The following PHACTR1 variants were observed in gnomAD, a reference collection of about 807,000 sequenced individuals.
PHACTR1 encodes phosphatase and actin regulator 1.
PHACTR1 carries 16 observed loss-of-function variants against 69.2 expected under a neutral mutation model. The observed-to-expected ratio is 0.23, with a 90% CI of 0.16 to 0.35. The LOEUF is 0.35. Ranked by LOEUF, PHACTR1 falls within the 10% of genes least tolerant of loss-of-function variation. The pLI, the probability that PHACTR1 is intolerant of heterozygous loss-of-function variation, is 1.00. For synonymous variants in PHACTR1, 312 were observed against 284.5 expected (o/e 1.10, Z -0.97); for missense variants, 510 against 734.7 (o/e 0.69, Z 3.54).
At chr6:12,939,838 C>A (rs1049323348) in intron 4 of PHACTR1, among the ~76,000 whole-genome samples, 5 of 152,132 alleles carry the variant, frequency 3.3e-5, no homozygotes, top group Non-Finnish European at 7.4e-5. Flanking sequence ...AGTTTTATAG[C>A]CAGCAAATGT....
intron 5 of PHACTR1, among the ~76,000 whole-genome samples, chr6:13,088,006 G>GA (rs771115082): frequency 6.6e-6 from 1 of 151,936 alleles, no homozygotes; most frequent in Non-Finnish European, 1.5e-5. Flanking sequence ...ATTGAAGGGC[G>GA]AAACACTAGA....
chr6:12,845,631 A>G (rs1234417844), intron 4 of PHACTR1, among the ~76,000 whole-genome samples: 1 of 152,116 alleles, frequency 6.6e-6, no homozygotes, highest in Non-Finnish European at 1.5e-5. Flanking sequence ...TACCTCCGAA[A>G]GGAAGATAGA....
chr6:12,819,884 T>A (rs1171368062), intron 4 of PHACTR1, among the ~76,000 whole-genome samples: 1 of 152,142 alleles, frequency 6.6e-6, no homozygotes, highest in East Asian at 1.9e-4. Context: ...AGCTTATTCT[T>A]GGGATTATCA....
intron 7 of PHACTR1, among the ~76,000 whole-genome samples, chr6:13,190,122 C>T (rs936621733): frequency 1.3e-5 from 2 of 148,704 alleles, no homozygotes; most frequent in African/African-American, 5.0e-5. Context: ...CTCCTGGGTT[C>T]AAGTGATTCT....
intron 4 of PHACTR1, among the ~76,000 whole-genome samples, chr6:12,952,944 G>A (rs1484295143): frequency 6.6e-6 from 1 of 152,148 alleles, no homozygotes; most frequent in East Asian, 1.9e-4. Flanking sequence ...CAAAAATAGT[G>A]CCAAAAATGA....
chr6:13,162,296 T>TTTGTTTGG lies in PHACTR1; in HGVS notation c.496+2018_496+2019insGGTTGTTT, dbSNP rs553983667. Among the ~76,000 whole-genome samples, 33 of 151,942 alleles carry TTTGTTTGG rather than the reference T, an allele frequency of 2.2e-4. No individual in the cohort carries two copies. The East Asian group carries it at 3.9e-3, about 18-fold the overall frequency. ...GTTTTTTTGTTTGTTTGTTTGTTTG[T>TTTGTTTGG]TTGTTTTTTAAGTAGAGATGGGGTT... On this transcript the variant is annotated intron_variant, in intron 6 of 14. Coordinates refer to ENST00000332995, the MANE Select transcript of PHACTR1 (RefSeq NM_030948.6).
At chr6:12,786,657 G>C (rs1245307171) in intron 4 of PHACTR1, among the ~76,000 whole-genome samples, 2 of 152,188 alleles carry the variant, frequency 1.3e-5, no homozygotes, top group African/African-American at 4.8e-5. Flanking sequence ...TTCTAAAGTT[G>C]AGTTCAAAAT....
At chr6:13,013,101 A>G (rs1341058216) in intron 4 of PHACTR1, among the ~76,000 whole-genome samples, 2 of 152,190 alleles carry the variant, frequency 1.3e-5, no homozygotes, top group Non-Finnish European at 2.9e-5. Flanking sequence ...CCCTTTGGAA[A>G]TCCTGGTAGA....
intron 5 of PHACTR1, among the ~76,000 whole-genome samples, chr6:13,144,096 A>T (rs1180215900): frequency 1.3e-5 from 2 of 152,200 alleles, no homozygotes; most frequent in Non-Finnish European, 2.9e-5. Flanking sequence ...GAAAACTCAC[A>T]GTAGATAACA....
intron 4 of PHACTR1, among the ~76,000 whole-genome samples, chr6:12,751,836 A>T (rs1766655771): frequency 6.6e-6 from 1 of 152,178 alleles, no homozygotes; most frequent in Non-Finnish European, 1.5e-5. Context: ...TGCAGAGAGG[A>T]TATTGTTAAA....
intron 10 of PHACTR1, among the ~76,000 whole-genome samples, chr6:13,250,904 C>T (rs1298817255): frequency 2.0e-5 from 3 of 152,150 alleles, no homozygotes; most frequent in East Asian, 1.9e-4. Flanking sequence ...ATTGCAAAAC[C>T]GTGGAATATG....
rs190102086 is a variant in PHACTR1, at chr6:13,217,762, C to T, written c.987-10054C>T. Among the ~76,000 whole-genome samples the T allele has an allele frequency of 1.9e-3, 291 of 152,326 alleles. 1 individual carries two copies. Among genetic ancestry groups the T allele is most frequent in the Non-Finnish European group, 3.5e-3 (239 of 68,030 alleles). Reference sequence around the variant, plus strand: ...ACATGTCTTATCTTAGAAGGCTAATCCTAGGCCATGATAAACCACACAATG... The same window carrying T: ...ACATGTCTTATCTTAGAAGGCTAATTCTAGGCCATGATAAACCACACAATG... On this transcript the variant is annotated intron_variant, in intron 8 of 14. Coordinates refer to ENST00000332995, the MANE Select transcript of PHACTR1 (RefSeq NM_030948.6).
At chr6:12,929,756 A>G (rs1328977563) in intron 4 of PHACTR1, among the ~76,000 whole-genome samples, 1 of 152,188 alleles carries the variant, frequency 6.6e-6, no homozygotes, top group Non-Finnish European at 1.5e-5. Flanking sequence ...GCATCCCTAG[A>G]TAATATTTTG....
chr6:12,734,354 T>C (rs950239613), intron 3 of PHACTR1, among the ~76,000 whole-genome samples: 4 of 152,182 alleles, frequency 2.6e-5, no homozygotes, highest in African/African-American at 9.7e-5. Context: ...GTAATAATAG[T>C]CTTAACATAA....
chr6:13,053,586 A>G (rs1806320409), intron 5 of PHACTR1, 57 bp downstream of exon 5: 1 of 1,553,244 alleles, frequency 6.4e-7, no homozygotes, highest in East Asian at 2.3e-5. Context: ...CAACTCTATT[A>G]TCTTAACAGA....
At chr6:13,056,308 G>C (rs1274738983) in intron 5 of PHACTR1, among the ~76,000 whole-genome samples, 2 of 152,186 alleles carry the variant, frequency 1.3e-5, no homozygotes, top group Admixed American at 1.3e-4. Context: ...GCTGAGGTGA[G>C]AGGATTGCTT....
chr6:12,763,405 C>T (rs1194792570), intron 4 of PHACTR1, among the ~76,000 whole-genome samples: 3 of 152,208 alleles, frequency 2.0e-5, no homozygotes, highest in Non-Finnish European at 2.9e-5. Flanking sequence ...ATAATATGAT[C>T]TGTATGAACA....
intron 4 of PHACTR1, among the ~76,000 whole-genome samples, chr6:12,765,880 A>C (rs1352462926): frequency 6.6e-6 from 1 of 152,232 alleles, no homozygotes; most frequent in Non-Finnish European, 1.5e-5. Flanking sequence ...CTAGACATGA[A>C]GAAAAATTTA....
intron 4 of PHACTR1, among the ~76,000 whole-genome samples, chr6:12,980,875 C>T (rs1231610348): frequency 4.6e-5 from 7 of 152,234 alleles, no homozygotes; most frequent in Non-Finnish European, 7.3e-5. Context: ...TCTGCCTACA[C>T]GATGTCTTTA....
Sources: allele counts gnomAD v4.1 joint callset (sites outside exome capture counted in the v4.1 genomes callset), GRCh38; gene constraint gnomAD v4.1.1; transcripts MANE v1.5; gene names NCBI Gene and HGNC (gene_info 2026-07-23, HGNC 2026-07-21).